Variants in MAGI2 observed in about 807,000 individuals in gnomAD.
MAGI2 encodes the protein membrane associated guanylate kinase, WW and PDZ domain containing 2.
MAGI2 carries 35 observed loss-of-function variants against 133.3 expected under a neutral mutation model. That is an observed-to-expected ratio of 0.26 (90% CI 0.20 to 0.35). The LOEUF is 0.35. Ranked by LOEUF, MAGI2 falls within the 10% of genes least tolerant of loss-of-function variation. The pLI, the probability that MAGI2 is intolerant of heterozygous loss-of-function variation, is 1.00. For missense variants in MAGI2, 1,636 were observed against 1,863.4 expected (o/e 0.88, Z 2.25); for synonymous variants, 729 against 710.6 (o/e 1.03, Z -0.41).
intron 1 of MAGI2, among the ~76,000 whole-genome samples, chr7:79,192,193 C>T (rs138587990): frequency 2.1e-4 from 32 of 151,858 alleles, no homozygotes; most frequent in African/African-American, 6.0e-4. Flanking sequence ...CACCATTTGA[C>T]GTACTTTACC....
intron 1 of MAGI2, among the ~76,000 whole-genome samples, chr7:79,146,066 CT>C (rs1288412859): frequency 1.3e-5 from 2 of 150,638 alleles, no homozygotes; most frequent in East Asian, 3.9e-4. Context: ...TTTTTTTTTC[CT>C]TAAAGAAACT....
In MAGI2 at chr7:79,256,687, G is replaced by A. The variant is rs536219832; in HGVS notation, c.301+196333C>T. On this transcript the variant is annotated intron_variant, in intron 1 of 21. Coordinates refer to ENST00000354212, the MANE Select transcript of MAGI2 (RefSeq NM_012301.4). ...GTATTTTTGGTAGAGACAGGGTTTC[G>A]CCGTGCTGCCTAAGGCTAGTCTCAA... 3.9e-4 allele frequency among the ~76,000 whole-genome samples: 59 copies of A among 151,750 alleles called. No individual in the cohort carries two copies. The South Asian group carries it at 0.011, about 28-fold the overall frequency.
intron 21 of MAGI2, among the ~76,000 whole-genome samples, chr7:78,038,798 T>C (rs3779341): frequency 0.18 from 28,094 of 152,214 alleles, 3,424 homozygotes; most frequent in African/African-American, 0.34. Flanking sequence ...AGAAATTCTA[T>C]GCTTCACAGG....
At chr7:78,355,915 T>C (rs544734092) in intron 7 of MAGI2, among the ~76,000 whole-genome samples, 1 of 152,278 alleles carries the variant, frequency 6.6e-6, no homozygotes, top group South Asian at 2.1e-4. Context: ...ACTGAACGTG[T>C]TTTACCAGAA....
Position 79,118,891 on chromosome 7 carries a change from C to T in MAGI2, c.302-111685G>A, listed in dbSNP as rs769278024. Among the ~76,000 whole-genome samples the T allele has an allele frequency of 5.3e-5, 8 of 152,106 alleles. No homozygotes were observed. In the East Asian group the frequency reaches 9.7e-4, roughly 18 times the overall value. On this transcript the variant is annotated intron_variant, in intron 1 of 21. Coordinates refer to ENST00000354212, the MANE Select transcript of MAGI2 (RefSeq NM_012301.4). ...AGGACTGGTGGATATCAAAGGAAGA[C>T]GATTTATTCTTCTTCAAAGATTGTT...
At chr7:79,045,557 C>T (rs1454452687) in intron 1 of MAGI2, among the ~76,000 whole-genome samples, 3 of 152,098 alleles carry the variant, frequency 2.0e-5, no homozygotes, top group African/African-American at 7.2e-5. Context: ...CTTTGGGAGG[C>T]GGAGGCAGGC....
At chr7:78,031,328 C>T (rs1809547311) in intron 21 of MAGI2, among the ~76,000 whole-genome samples, 1 of 152,040 alleles carries the variant, frequency 6.6e-6, no homozygotes, top group Admixed American at 6.6e-5. Flanking sequence ...AGAATTTACA[C>T]TAAAAAGGGT....
chr7:79,188,685 T>C (rs574405228), intron 1 of MAGI2, among the ~76,000 whole-genome samples: 1 of 151,986 alleles, frequency 6.6e-6, no homozygotes, highest in African/African-American at 2.4e-5. Context: ...TAATATTGTA[T>C]GTAGTTGGAA....
At chr7:78,586,194 A>G (rs1027214002) in intron 3 of MAGI2, among the ~76,000 whole-genome samples, 1 of 152,224 alleles carries the variant, frequency 6.6e-6, no homozygotes, top group African/African-American at 2.4e-5. Context: ...GCACATCTTC[A>G]GCATTCAGCA....
At chr7:78,489,718 T>C in intron 6 of MAGI2, 43 bp downstream of exon 6, 1 of 1,433,386 alleles carries the variant, frequency 7.0e-7, no homozygotes, top group Non-Finnish European at 9.8e-7. Flanking sequence ...ACAAACATTC[T>C]CAAAGCACAT....
At chr7:78,788,752 C>G in intron 2 of MAGI2, among the ~76,000 whole-genome samples, 1 of 152,148 alleles carries the variant, frequency 6.6e-6, no homozygotes, top group East Asian at 1.9e-4. Flanking sequence ...CTAATAACTC[C>G]GTTTAAGTCC....
intron 2 of MAGI2, among the ~76,000 whole-genome samples, chr7:78,696,295 A>C (rs1004598286): frequency 6.6e-6 from 1 of 152,124 alleles, no homozygotes. Flanking sequence ...TTTTCTAAGC[A>C]AGACAACTTC....
At chr7:78,595,378 G>A (rs1327288329) in intron 3 of MAGI2, among the ~76,000 whole-genome samples, 1 of 152,136 alleles carries the variant, frequency 6.6e-6, no homozygotes, top group Non-Finnish European at 1.5e-5. Context: ...AAATTGTACT[G>A]TTTTCTGAAA....
intron 3 of MAGI2, among the ~76,000 whole-genome samples, chr7:78,569,683 C>T (rs755458865): frequency 1.1e-4 from 16 of 152,056 alleles, no homozygotes; most frequent in Non-Finnish European, 2.2e-4. Context: ...TTTGTGCATG[C>T]AAAAAATTAC....
At position 79,258,859 on chromosome 7, in the gene MAGI2, T is replaced by C. The variant is rs17152129; in HGVS notation, c.301+194161A>G. On this transcript the variant is annotated intron_variant, in intron 1 of 21. Transcript: ENST00000354212. ...GAAGTGAGTGCAAGTGCAAAGATCT[T>C]AAGTAATTCATCACACAATGAACAA... Among the ~76,000 whole-genome samples, 510 of 152,348 alleles carry C rather than the reference T, an allele frequency of 3.3e-3. 1 individual carries two copies. The highest frequency in any genetic ancestry group is 0.012 in the African/African-American group (491 of 41,586).
chr7:78,672,941 GC>G (rs1814567435), intron 2 of MAGI2, among the ~76,000 whole-genome samples: 1 of 152,068 alleles, frequency 6.6e-6, no homozygotes, highest in African/African-American at 2.4e-5. Context: ...TTCATCAATG[GC>G]TTTTATCATG....
intron 1 of MAGI2, among the ~76,000 whole-genome samples, chr7:79,309,800 C>G (rs1417036102): frequency 1.3e-5 from 2 of 151,450 alleles, no homozygotes; most frequent in Admixed American, 6.6e-5. Flanking sequence ...ACTTTAGTCC[C>G]TCTCAAATGC....
At chr7:78,497,762 ATCTT>A (rs55983113) in intron 5 of MAGI2, among the ~76,000 whole-genome samples, 4,532 of 107,648 alleles carry the variant, frequency 0.042, 163 homozygotes, top group African/African-American at 0.088. Flanking sequence ...CTATCTATCT[ATCTT>A]TCTATCTTAT....
intron 2 of MAGI2, among the ~76,000 whole-genome samples, chr7:78,783,882 G>A (rs772258782): frequency 6.6e-6 from 1 of 152,234 alleles, no homozygotes; most frequent in Non-Finnish European, 1.5e-5. Flanking sequence ...CACACAGGAT[G>A]TGGCCTACTT....
Sources: allele counts gnomAD v4.1 joint callset (sites outside exome capture counted in the v4.1 genomes callset), GRCh38; gene constraint gnomAD v4.1.1; transcripts MANE v1.5; gene names NCBI Gene and HGNC (gene_info 2026-07-23, HGNC 2026-07-21).